ROCK2: variants seen among roughly 807,000 people sequenced by gnomAD.
The protein encoded by ROCK2 is rho-associated protein kinase 2.
ROCK2 carries 61 observed loss-of-function variants against 195.1 expected under a neutral mutation model. The observed-to-expected ratio is 0.31, with a 90% CI of 0.25 to 0.39. The LOEUF (loss-of-function observed/expected upper bound fraction) is 0.39. Ranked by LOEUF, ROCK2 falls within the 10% of genes least tolerant of loss-of-function variation. The pLI, the probability that ROCK2 is intolerant of heterozygous loss-of-function variation, is 1.00. For missense variants in ROCK2, 1,109 were observed against 1,637.4 expected, an observed-to-expected ratio of 0.68 and a Z score of 5.57; for synonymous variants, 504 against 545.5, an observed-to-expected ratio of 0.92 and a Z score of 1.06.
intron 1 of ROCK2, among the ~76,000 whole-genome samples, chr2:11,289,650 C>A (rs778096422): frequency 6.6e-6 from 1 of 152,154 alleles, no homozygotes; most frequent in Non-Finnish European, 1.5e-5. Context: ...AGTAACTCTG[C>A]ATTAAAATCT....
intron 1 of ROCK2, among the ~76,000 whole-genome samples, chr2:11,333,259 CTT>C (rs1303940627): frequency 6.6e-6 from 1 of 152,172 alleles, no homozygotes; most frequent in Non-Finnish European, 1.5e-5. Flanking sequence ...AACCACCAGA[CTT>C]TTATTTCAGA....
rs905471797 is a variant in ROCK2, at chr2:11,216,947, C to G, written c.1412+143G>C. ...CCATCTTGGCCAGGCTGGTCTTGAA[C>G]TCCTGACCTCGTGATCCACCCACCT... On this transcript the variant is annotated intron_variant, in intron 12 of 32. Coordinates refer to ENST00000315872, the MANE Select transcript of ROCK2 (RefSeq NM_004850.5). The G allele has an allele frequency of 5.4e-5, 26 of 477,428 alleles. No homozygotes were observed. The East Asian group carries it at 1.0e-3, about 19-fold the overall frequency. 29.6% of individuals were successfully genotyped at this position (477,428 alleles called of 1,614,324 possible).
Position 11,200,981 on chromosome 2 carries a change from C to G in ROCK2, c.2886G>C (p.Thr962=). The change falls in exon 23 of 33, where the codon ACG becomes ACC. Residue 962 remains threonine, a synonymous_variant. Transcript: ENST00000315872. ...EMMARHKQEL[T]EKDATIASLE... is the part of the protein sequence containing the mutation. The stretch of plus-strand genomic sequence containing the variant: ...CAGAAGCAATTGTAGCATCTTTTTC[C>G]GTAAGTTCCTGTTTGTGTCTAGCCA... 6.3e-7 allele frequency: 1 copy of G among 1,594,236 alleles called. No homozygotes were observed. Among genetic ancestry groups the G allele is most frequent in the South Asian group, 1.2e-5 (1 of 85,878 alleles).
intron 4 of ROCK2, among the ~76,000 whole-genome samples, chr2:11,238,971 GA>G (rs34910883): frequency 6.7e-6 from 1 of 150,022 alleles, no homozygotes; most frequent in African/African-American, 2.5e-5. Context: ...TTTAATGAGG[GA>G]AAAAATAATT....
At chr2:11,266,644 G>A (rs79269857) in intron 3 of ROCK2, among the ~76,000 whole-genome samples, 1,585 of 152,242 alleles carry the variant, frequency 0.01, 28 homozygotes, top group African/African-American at 0.036. Context: ...TACTCATAAA[G>A]ATGTGCCAAA....
chr2:11,281,881 G>A (rs917120966), intron 3 of ROCK2, among the ~76,000 whole-genome samples: 2 of 152,074 alleles, frequency 1.3e-5, no homozygotes, highest in Non-Finnish European at 2.9e-5. Flanking sequence ...GACAGTCCAT[G>A]TTCTTGGATG....
At chr2:11,258,629 C>A (rs1666117545) in intron 3 of ROCK2, among the ~76,000 whole-genome samples, 1 of 151,238 alleles carries the variant, frequency 6.6e-6, no homozygotes. Context: ...ACCTCCCAAT[C>A]CTGGAACCAG....
chr2:11,233,630 T>C (rs181975237), intron 5 of ROCK2, among the ~76,000 whole-genome samples: 50 of 152,224 alleles, frequency 3.3e-4, no homozygotes, highest in African/African-American at 1.1e-3. Flanking sequence ...AATTGATTGA[T>C]AGATACTATG....
chr2:11,245,614 G>C (rs759795801), intron 4 of ROCK2, among the ~76,000 whole-genome samples: 3 of 152,168 alleles, frequency 2.0e-5, no homozygotes, highest in Non-Finnish European at 4.4e-5. Context: ...ACTCACACAT[G>C]TATAAAAGAC....
intron 3 of ROCK2, among the ~76,000 whole-genome samples, chr2:11,268,528 G>C (rs1264648163): frequency 7.9e-5 from 11 of 139,114 alleles, no homozygotes; most frequent in Non-Finnish European, 1.4e-4. Context: ...TGCACTGTGT[G>C]TGTGTGTGTG....
chr2:11,215,113 C>T, intron 15 of ROCK2, 27 bp from the exon 16 acceptor site: 1 of 1,611,930 alleles, frequency 6.2e-7, no homozygotes, highest in Non-Finnish European at 8.5e-7. Flanking sequence ...AACCAAACAA[C>T]AACAAACAAA....
At position 11,264,202 on chromosome 2, in the gene ROCK2, T is replaced by C. The variant is rs549723565; in HGVS notation, c.325-14404A>G. On this transcript the variant is annotated intron_variant, in intron 3 of 32. Coordinates refer to ENST00000315872, the MANE Select transcript of ROCK2 (RefSeq NM_004850.5). ...CTGTCTTTATCAGCACTTCACAACC[T>C]AAGATTAATAGTAACAATGGTGAAA... 2.6e-5 allele frequency among the ~76,000 whole-genome samples: 4 copies of C among 152,280 alleles called. No individual in the cohort carries two copies. The South Asian group carries it at 6.2e-4, about 24-fold the overall frequency.
At chr2:11,311,980 A>C (rs969394565) in intron 1 of ROCK2, among the ~76,000 whole-genome samples, 2 of 152,208 alleles carry the variant, frequency 1.3e-5, no homozygotes, top group African/African-American at 4.8e-5. Flanking sequence ...TACTTCAACA[A>C]ATACAACATA....
chr2:11,212,673 C>CT (rs35659523), intron 17 of ROCK2, among the ~76,000 whole-genome samples: 3 of 151,812 alleles, frequency 2.0e-5, no homozygotes, highest in African/African-American at 7.3e-5. Context: ...ATGATAAAGG[C>CT]TTTTTTCCAA....
chr2:11,265,685 C>T (rs1666388722), intron 3 of ROCK2, among the ~76,000 whole-genome samples: 2 of 152,204 alleles, frequency 1.3e-5, no homozygotes, highest in Non-Finnish European at 2.9e-5. Flanking sequence ...GCAATTTAGA[C>T]CTTTGTGAAT....
intron 4 of ROCK2, among the ~76,000 whole-genome samples, chr2:11,248,883 G>A (rs1314517218): frequency 1.3e-5 from 2 of 151,786 alleles, no homozygotes; most frequent in Non-Finnish European, 2.9e-5. Context: ...AAGATAGGCT[G>A]ATTAATGTAA....
intron 21 of ROCK2, 22 bp downstream of exon 21, chr2:11,202,030 A>C (rs1237839956): frequency 3.8e-6 from 6 of 1,598,470 alleles, no homozygotes; most frequent in Non-Finnish European, 4.3e-6. Context: ...GCTATTTGCA[A>C]ATTAATGTGT....
At chr2:11,252,460 CA>C (rs1417570385) in intron 3 of ROCK2, among the ~76,000 whole-genome samples, 4 of 151,950 alleles carry the variant, frequency 2.6e-5, no homozygotes, top group African/African-American at 9.6e-5. Context: ...GGTATATACC[CA>C]AAGGATTATA....
intron 3 of ROCK2, among the ~76,000 whole-genome samples, chr2:11,272,869 CAA>C (rs34327134): frequency 1.2e-4 from 12 of 99,204 alleles, no homozygotes; most frequent in African/African-American, 2.6e-4. Context: ...GACTCTGTCT[CAA>C]AAAAAAAAAA....
Sources: gnomAD v4.1 joint callset for allele counts (sites outside exome capture counted in the v4.1 genomes callset) on GRCh38, gnomAD v4.1.1 for gene constraint, MANE v1.5 for transcripts, NCBI Gene and HGNC (gene_info 2026-07-23, HGNC 2026-07-21) for gene names.